PPM1D: variants seen among roughly 807,000 people sequenced by gnomAD.
The protein encoded by PPM1D is protein phosphatase 1D.
In PPM1D, 52 loss-of-function variants were observed where a neutral mutation model predicts 58.3. That is an observed-to-expected ratio of 0.89 (90% CI 0.71 to 1.12). The LOEUF is 1.12. PPM1D is among the 50% of genes most tolerant of loss of function. The pLI, the probability that PPM1D is intolerant of heterozygous loss-of-function variation, is 0.00. For missense variants in PPM1D, 564 were observed against 777.2 expected (o/e 0.73, Z 3.26); for synonymous variants, 278 against 285.1 (o/e 0.98, Z 0.25).
intron 1 of PPM1D, among the ~76,000 whole-genome samples, chr17:60,610,542 G>C (rs1349678339): frequency 1.3e-5 from 2 of 152,110 alleles, no homozygotes; most frequent in Non-Finnish European, 2.9e-5. Context: ...ATATCTGAGG[G>C]GTTCTCTGAG....
Position 60,642,331 on chromosome 17 carries a change from A to G in PPM1D, c.827-5561A>G, listed in dbSNP as rs187762799. Among the ~76,000 whole-genome samples, 6 of 151,306 alleles carry G rather than the reference A, an allele frequency of 4.0e-5. No homozygotes were observed. The East Asian group carries it at 9.7e-4, about 24-fold the overall frequency. On this transcript the variant is annotated intron_variant, in intron 3 of 5. Transcript: ENST00000305921. ...CTGTAAGTCTATATAGAGATAAAAA[A>G]TTGTACAGGTAGAAGAATGGATTTT...
rs777761218 is a variant in PPM1D, at chr17:60,600,677, C to T, written c.263C>T (p.Pro88Leu). The change falls in exon 1 of 6, where the codon CCT becomes CTT. Residue 88 changes from proline (P) to leucine (L), a missense_variant. Transcript: ENST00000305921. ...PLPDAGASPA[P>L]SRCCRRRSSV... is the part of the protein sequence containing the mutation. ...CCGGACGCCGGGGCCTCGCCGGCACCTAGCCGCTGCTGCCGCCGCCGTTCC... is the reference window on the plus strand; with the variant it reads ...CCGGACGCCGGGGCCTCGCCGGCACTTAGCCGCTGCTGCCGCCGCCGTTCC... 12 of 1,573,502 alleles carry T rather than the reference C, an allele frequency of 7.6e-6. No individual in the cohort carries two copies. The Admixed American group carries it at 1.1e-4, about 15-fold the overall frequency.
At chr17:60,602,728 TAA>T (rs762323877) in intron 1 of PPM1D, among the ~76,000 whole-genome samples, 1 of 150,446 alleles carries the variant, frequency 6.6e-6, no homozygotes, top group African/African-American at 2.5e-5. Context: ...AGAAAAATGT[TAA>T]AGTTTGTTTT....
intron 4 of PPM1D, among the ~76,000 whole-genome samples, chr17:60,649,510 T>A (rs773823189): frequency 2.0e-5 from 3 of 151,944 alleles, no homozygotes; most frequent in Non-Finnish European, 4.4e-5. Flanking sequence ...GCCAACATGA[T>A]GAAACCCCAC....
At chr17:60,626,016 A>G (rs918732121) in intron 2 of PPM1D, among the ~76,000 whole-genome samples, 2 of 152,192 alleles carry the variant, frequency 1.3e-5, no homozygotes, top group Non-Finnish European at 2.9e-5. Context: ...AGAGATATTC[A>G]TATACAATCA....
At chr17:60,612,009 A>G (rs1358985715) in intron 1 of PPM1D, among the ~76,000 whole-genome samples, 1 of 151,384 alleles carries the variant, frequency 6.6e-6, no homozygotes, top group African/African-American at 2.4e-5. Context: ...GTAGCCACTG[A>G]CTACATGTAG....
intron 1 of PPM1D, among the ~76,000 whole-genome samples, chr17:60,610,906 C>A (rs1359926455): frequency 6.6e-6 from 1 of 152,200 alleles, no homozygotes; most frequent in African/African-American, 2.4e-5. Context: ...AGGAGAGTAT[C>A]ATTCTTTCAC....
chr17:60,600,989 A>G (rs1272781657), intron 1 of PPM1D, 103 bp downstream of exon 1: 2 of 1,499,926 alleles, frequency 1.3e-6, no homozygotes, highest in Non-Finnish European at 1.8e-6. Flanking sequence ...GCGCAACCAA[A>G]GTATACACTG....
chr17:60,635,692 G>C (rs1346468364), intron 3 of PPM1D, among the ~76,000 whole-genome samples: 1 of 152,100 alleles, frequency 6.6e-6, no homozygotes, highest in Admixed American at 6.6e-5. Flanking sequence ...GACCCACCCT[G>C]CTGCCCCTAG....
At chr17:60,630,017 CCAA>C (rs2030887745) in intron 2 of PPM1D, among the ~76,000 whole-genome samples, 1 of 151,738 alleles carries the variant, frequency 6.6e-6, no homozygotes, top group Non-Finnish European at 1.5e-5. Flanking sequence ...TCCAGCCTGC[CCAA>C]CAAGAGTGAA....
At chr17:60,654,820 GTCT>G (rs2031404787) in intron 4 of PPM1D, among the ~76,000 whole-genome samples, 1 of 149,876 alleles carries the variant, frequency 6.7e-6, no homozygotes, top group Non-Finnish European at 1.5e-5. Flanking sequence ...GTGAGCCGAG[GTCT>G]TGCCATTGCA....
At chr17:60,657,047 T>C in intron 5 of PPM1D, 1 of 1,468,076 alleles carries the variant, frequency 6.8e-7, no homozygotes, top group Non-Finnish European at 9.0e-7. Context: ...AAAAAGGTGA[T>C]TGTGGGCCCT....
chr17:60,607,110 A>G (rs1167792938), intron 1 of PPM1D, among the ~76,000 whole-genome samples: 1 of 151,932 alleles, frequency 6.6e-6, no homozygotes, highest in Non-Finnish European at 1.5e-5. Context: ...TATTACAGGC[A>G]TAAGCCACCA....
At chr17:60,613,567 T>C (rs2030505446) in intron 1 of PPM1D, among the ~76,000 whole-genome samples, 1 of 152,258 alleles carries the variant, frequency 6.6e-6, no homozygotes, top group Admixed American at 6.5e-5. Flanking sequence ...CTCCCTGGGC[T>C]GGCCGAGGCC....
At chr17:60,627,257 T>C (rs1043777592) in intron 2 of PPM1D, among the ~76,000 whole-genome samples, 1 of 152,142 alleles carries the variant, frequency 6.6e-6, no homozygotes, top group African/African-American at 2.4e-5. Flanking sequence ...GAAACTCTGT[T>C]TGTTCATTGT....
intron 1 of PPM1D, among the ~76,000 whole-genome samples, chr17:60,622,933 C>T (rs1428192107): frequency 1.3e-5 from 2 of 152,106 alleles, no homozygotes; most frequent in African/African-American, 4.8e-5. Flanking sequence ...CCCATCTCTA[C>T]TAAAAATACA....
At chr17:60,630,963 A>G (rs557207513) in intron 2 of PPM1D, among the ~76,000 whole-genome samples, 8 of 152,388 alleles carry the variant, frequency 5.2e-5, no homozygotes, top group African/African-American at 1.4e-4. Flanking sequence ...GAGAGTCATC[A>G]TTGAAGAAAG....
At chr17:60,647,008 A>G (rs1463151318) in intron 3 of PPM1D, among the ~76,000 whole-genome samples, 1 of 152,222 alleles carries the variant, frequency 6.6e-6, no homozygotes, top group Non-Finnish European at 1.5e-5. Context: ...GAAGTTTGCA[A>G]ACAGCCATTG....
At chr17:60,629,507 A>G (rs1038620855) in intron 2 of PPM1D, among the ~76,000 whole-genome samples, 3 of 152,170 alleles carry the variant, frequency 2.0e-5, no homozygotes, top group African/African-American at 7.2e-5. Flanking sequence ...TTCAGGCTAT[A>G]GTCTATTTGA....
Sources: allele counts gnomAD v4.1 joint callset (sites outside exome capture counted in the v4.1 genomes callset), GRCh38; gene constraint gnomAD v4.1.1; transcripts MANE v1.5; gene names NCBI Gene and HGNC (gene_info 2026-07-23, HGNC 2026-07-21).